Variants in RTN4IP1 observed in about 807,000 individuals in gnomAD.
RTN4IP1 encodes the protein NAD(P)H oxidoreductase RTN4IP1, mitochondrial.
RTN4IP1 carries 32 observed loss-of-function variants against 46.6 expected under a neutral mutation model. The ratio of observed to expected loss-of-function variants is 0.69; its 90% CI spans 0.52 to 0.92. The LOEUF is 0.92. RTN4IP1 is among the 40% of genes least tolerant of loss of function. The pLI is 0.00. For missense variants in RTN4IP1, 424 were observed against 485.8 expected (o/e 0.87, Z 1.20); for synonymous variants, 167 against 161.8 (o/e 1.03, Z -0.24).
intron 5 of RTN4IP1, among the ~76,000 whole-genome samples, chr6:106,596,952 T>C (rs993858036): frequency 3.9e-5 from 6 of 152,228 alleles, no homozygotes; most frequent in African/African-American, 1.2e-4. Flanking sequence ...AGTCTCATGA[T>C]AGTCTAATTT....
chr6:106,620,595 T>C (rs1016292945), intron 3 of RTN4IP1, among the ~76,000 whole-genome samples: 5 of 152,168 alleles, frequency 3.3e-5, no homozygotes, highest in African/African-American at 1.2e-4. Flanking sequence ...TCATGTTTGT[T>C]GCATATCTTA....
chr6:106,590,753 A>G (rs1775639862), intron 6 of RTN4IP1, among the ~76,000 whole-genome samples: 1 of 147,314 alleles, frequency 6.8e-6, no homozygotes, highest in Non-Finnish European at 1.5e-5. Flanking sequence ...ATCAACCTAA[A>G]CTACTGCTTT....
In RTN4IP1 at chr6:106,619,246, T is replaced by G. The variant is rs754640292; in HGVS notation, c.576A>C (p.Ile192=). 6.2e-7 allele frequency: 1 copy of G among 1,614,216 alleles called. No homozygotes were observed. Among genetic ancestry groups the G allele is most frequent in the Non-Finnish European group, 8.5e-7 (1 of 1,180,032 alleles). The part of the protein sequence containing the change: ...PYVALTAWSA[I]NKVGGLNDKN... ...TGTCATTCAGGCCACCAACTTTGTTTATAGCAGACCAGGCTGTGAGAGCCA... is the reference window on the plus strand; with the variant it reads ...TGTCATTCAGGCCACCAACTTTGTTGATAGCAGACCAGGCTGTGAGAGCCA... The change falls in exon 4 of 9, where the codon ATA becomes ATC. Residue 192 remains isoleucine (I), a synonymous_variant. Transcript: ENST00000369063.
intron 4 of RTN4IP1, 143 bp downstream of exon 4, chr6:106,619,059 G>T: frequency 1.1e-6 from 1 of 923,286 alleles, no homozygotes; most frequent in Non-Finnish European, 1.6e-6. Context: ...CAAATAGAAT[G>T]CTTTGGAAAT....
intron 6 of RTN4IP1, 63 bp from the exon 7 acceptor site, chr6:106,587,925 T>C: frequency 7.1e-7 from 1 of 1,416,870 alleles, no homozygotes; most frequent in Non-Finnish European, 9.6e-7. Context: ...CTGATCCTCC[T>C]TCCCTTCCAG....
At chr6:106,596,578 G>A (rs1226917569) in intron 5 of RTN4IP1, among the ~76,000 whole-genome samples, 1 of 152,114 alleles carries the variant, frequency 6.6e-6, no homozygotes, top group Non-Finnish European at 1.5e-5. Context: ...GCAACACACT[G>A]TCTCAAAAAT....
intron 6 of RTN4IP1, among the ~76,000 whole-genome samples, chr6:106,591,465 A>G (rs989594342): frequency 1.3e-5 from 2 of 152,120 alleles, no homozygotes; most frequent in Admixed American, 1.3e-4. Flanking sequence ...CTTCTACTCA[A>G]TGTGGTCAAG....
Position 106,571,696 on chromosome 6 carries a change from C to G in RTN4IP1, c.*300G>C. The stretch of plus-strand genomic sequence containing the variant: ...ACACAGCGAGACCCTGTCTCTAAAA[C>G]AAAAAAGACAATAAAGTAGTTTAAG... On this transcript the variant is annotated 3_prime_UTR_variant, in exon 9 of 9. Transcript: ENST00000369063. 1 of 286,928 alleles carries G rather than the reference C, an allele frequency of 3.5e-6. No individual in the cohort carries two copies. Among genetic ancestry groups the G allele is most frequent in the South Asian group, 3.7e-5 (1 of 27,116 alleles). The allele number at this position is 286,928 out of a possible 1,614,324, so 17.8% of individuals were successfully genotyped here.
intron 7 of RTN4IP1, among the ~76,000 whole-genome samples, chr6:106,586,274 G>A (rs1005904758): frequency 1.2e-4 from 18 of 152,178 alleles, no homozygotes; most frequent in African/African-American, 4.1e-4. Flanking sequence ...GTGGGTCAGC[G>A]TTGGTCGGAC....
At chr6:106,612,433 G>C (rs1189219375) in intron 4 of RTN4IP1, among the ~76,000 whole-genome samples, 2 of 143,008 alleles carry the variant, frequency 1.4e-5, no homozygotes, top group Non-Finnish European at 3.0e-5. Flanking sequence ...GGTGACAATA[G>C]GGCATAAGAC....
Position 106,571,778 on chromosome 6 carries a change from G to T in RTN4IP1, c.*218C>A. 1 of 470,626 alleles carries T rather than the reference G, an allele frequency of 2.1e-6. No individual in the cohort carries two copies. The highest frequency in any genetic ancestry group is 3.8e-6 in the Non-Finnish European group (1 of 262,680). The allele number at this position is 470,626 out of a possible 1,614,324, so 29.2% of individuals were successfully genotyped here. A position where few individuals can be genotyped will look rare whatever the true frequency, so the allele number is the denominator to read the frequency against. On this transcript the variant is annotated 3_prime_UTR_variant, in exon 9 of 9. Transcript: ENST00000369063. ...CAAAGCCAGTGTGAAGGAACAGCTT[G>T]AAAAAACTTCGAATTTCTACTGACT...
At chr6:106,572,281 A>T in intron 8 of RTN4IP1, 178 bp from the exon 9 acceptor site, 2 of 595,480 alleles carry the variant, frequency 3.4e-6, no homozygotes, top group Non-Finnish European at 6.0e-6. Context: ...CTCCTGCCTC[A>T]CTGCTGCTTC....
At chr6:106,584,560 T>C (rs1419303309) in intron 7 of RTN4IP1, among the ~76,000 whole-genome samples, 1 of 152,232 alleles carries the variant, frequency 6.6e-6, no homozygotes, top group Non-Finnish European at 1.5e-5. Flanking sequence ...TTTGTTGTTT[T>C]TTTTAGTTAT....
At position 106,597,691 on chromosome 6, in the gene RTN4IP1, C is replaced by A. The variant is rs1285813516; in HGVS notation, c.669+5183G>T. Among the ~76,000 whole-genome samples the A allele has an allele frequency of 5.1e-5, 7 of 136,130 alleles. No homozygotes were observed. In the Admixed American group the frequency reaches 5.2e-4, roughly 10 times the overall value. The allele number at this position is 136,130 out of a possible 152,430, so 89.3% of individuals were successfully genotyped here. The stretch of plus-strand genomic sequence containing the variant: ...TTGAATTTTTTTCTGCATTTTGTTT[C>A]TTTTTTTTTTTTTTTAATTATACTT... On this transcript the variant is annotated intron_variant, in intron 5 of 8. Coordinates refer to ENST00000369063, the MANE Select transcript of RTN4IP1 (RefSeq NM_032730.5).
Position 106,570,897 on chromosome 6 carries a change from A to AAGTT in RTN4IP1, c.*1095_*1098dup, listed in dbSNP as rs1775040603. 1 of 152,218 alleles carries AAGTT rather than the reference A, an allele frequency of 6.6e-6. No individual in the cohort carries two copies. The highest frequency in any genetic ancestry group is 2.4e-5 in the African/African-American group (1 of 41,454). The allele number at this position is 152,218 out of a possible 1,614,324, so 9.4% of individuals were successfully genotyped here. On this transcript the variant is annotated 3_prime_UTR_variant, in exon 9 of 9. Coordinates refer to ENST00000369063, the MANE Select transcript of RTN4IP1 (RefSeq NM_032730.5). The stretch of plus-strand genomic sequence containing the variant: ...AAATCTCAAAACAGGTCTACATCAA[A>AAGTT]AGTTACAAGCAAGCATATCAGGTGC...
chr6:106,586,532 G>T (rs983215474), intron 7 of RTN4IP1, among the ~76,000 whole-genome samples: 2 of 151,768 alleles, frequency 1.3e-5, no homozygotes, highest in Non-Finnish European at 2.9e-5. Context: ...CAACATACCT[G>T]GCAAATTTTT....
At chr6:106,628,354 C>T (rs973154010) in intron 1 of RTN4IP1, among the ~76,000 whole-genome samples, 1 of 151,916 alleles carries the variant, frequency 6.6e-6, no homozygotes, top group East Asian at 1.9e-4. Context: ...GTAATCCCAG[C>T]TACTCGGGAG....
chr6:106,590,711 T>C (rs1436654108), intron 6 of RTN4IP1, among the ~76,000 whole-genome samples: 10 of 8,854 alleles, frequency 1.1e-3, no homozygotes, highest in Non-Finnish European at 3.0e-3. Context: ...TGAGAATCCA[T>C]CTCAAAAAAA....
At chr6:106,611,640 G>A (rs1432233503) in intron 4 of RTN4IP1, among the ~76,000 whole-genome samples, 2 of 152,110 alleles carry the variant, frequency 1.3e-5, no homozygotes, top group Admixed American at 1.3e-4. Context: ...AGCATAATAC[G>A]CCAGGTTTAT....
Sources: allele counts gnomAD v4.1 joint callset (sites outside exome capture counted in the v4.1 genomes callset), GRCh38; gene constraint gnomAD v4.1.1; transcripts MANE v1.5; gene names NCBI Gene and HGNC (gene_info 2026-07-23, HGNC 2026-07-21).